MIS18A: variants seen among roughly 807,000 people sequenced by gnomAD.
MIS18A encodes protein Mis18-alpha.
In MIS18A, 14 loss-of-function variants were observed where a neutral mutation model predicts 25.0. That is an observed-to-expected ratio of 0.56 (90% CI 0.37 to 0.88). The LOEUF (loss-of-function observed/expected upper bound fraction) is 0.88, where lower values mean the gene tolerates loss of function less well. Ranked by LOEUF, MIS18A falls within the 40% of genes least tolerant of loss-of-function variation. MIS18A has a pLI of 0.00. For missense variants in MIS18A, 292 were observed against 290.8 expected (o/e 1.00, Z -0.03); for synonymous variants, 134 against 118.6 (o/e 1.13, Z -0.84).
At chr21:32,181,948 T>A in the MIS18A span, among the ~76,000 whole-genome samples, 4 of 152,220 alleles carry the variant, frequency 2.6e-5, no homozygotes, top group Non-Finnish European at 4.4e-5. Context: ...GTTCCTTGTT[T>A]GTAAAATGAG....
At chr21:32,177,053 C>A in the MIS18A span, among the ~76,000 whole-genome samples, 1 of 151,948 alleles carries the variant, frequency 6.6e-6, no homozygotes, top group Non-Finnish European at 1.5e-5. Context: ...ATGCAAAAAT[C>A]CTAAATAAAA....
chr21:32,176,899 G>C, the MIS18A span, among the ~76,000 whole-genome samples: 1 of 152,074 alleles, frequency 6.6e-6, no homozygotes, highest in African/African-American at 2.4e-5. Flanking sequence ...CATTTTATGA[G>C]GATGAAATAA....
At chr21:32,158,659 G>C in the MIS18A span, among the ~76,000 whole-genome samples, 1 of 152,022 alleles carries the variant, frequency 6.6e-6, no homozygotes, top group South Asian at 2.1e-4. Context: ...ATTTTGAGTA[G>C]AGACGGGGTT....
At chr21:32,191,407 T>C in the MIS18A span, among the ~76,000 whole-genome samples, 5 of 151,408 alleles carry the variant, frequency 3.3e-5, no homozygotes, top group South Asian at 2.1e-4. Flanking sequence ...CTGAGAAACA[T>C]AGCAAGACCC....
the MIS18A span, among the ~76,000 whole-genome samples, chr21:32,207,376 C>T: frequency 6.6e-6 from 1 of 152,126 alleles, no homozygotes; most frequent in East Asian, 1.9e-4. Flanking sequence ...TTACATAAGT[C>T]GTTGGGAAAT....
chr21:32,265,897 C>T (rs574123068), downstream of MIS18A, among the ~76,000 whole-genome samples: 5 of 152,008 alleles, frequency 3.3e-5, no homozygotes, highest in South Asian at 4.2e-4. Flanking sequence ...GTGCACCAAT[C>T]GGCACTCTGT....
the MIS18A span, among the ~76,000 whole-genome samples, chr21:32,257,339 C>T: frequency 4.6e-5 from 7 of 152,312 alleles, no homozygotes; most frequent in African/African-American, 1.7e-4. Context: ...ATAAAATGTT[C>T]ACGTGCCCAT....
At chr21:32,251,379 C>T in the MIS18A span, among the ~76,000 whole-genome samples, 46 of 152,244 alleles carry the variant, frequency 3.0e-4, 2 homozygotes, top group African/African-American at 1.1e-3. Context: ...TTCCCTCTCC[C>T]ACCTCCCAGC....
At chr21:32,215,433 C>A in the MIS18A span, among the ~76,000 whole-genome samples, 1 of 152,144 alleles carries the variant, frequency 6.6e-6, no homozygotes, top group African/African-American at 2.4e-5. Flanking sequence ...GGCTTCCCAG[C>A]AAGGCTGATT....
At chr21:32,201,932 G>C in the MIS18A span, among the ~76,000 whole-genome samples, 35,515 of 152,010 alleles carry the variant, frequency 0.23, 4,304 homozygotes, top group South Asian at 0.29. Context: ...CCGAGTATTA[G>C]CTGATATTCA....
the MIS18A span, among the ~76,000 whole-genome samples, chr21:32,175,504 C>G: frequency 6.6e-6 from 1 of 151,430 alleles, no homozygotes; most frequent in Non-Finnish European, 1.5e-5. Context: ...TGTAATAACA[C>G]TTAGTTTAAA....
chr21:32,233,002 T>C, the MIS18A span, among the ~76,000 whole-genome samples: 24 of 152,218 alleles, frequency 1.6e-4, no homozygotes, highest in Non-Finnish European at 2.9e-4. Flanking sequence ...CACAGTGAAA[T>C]TGTTTCTATT....
At chr21:32,240,267 A>T in the MIS18A span, among the ~76,000 whole-genome samples, 127 of 152,378 alleles carry the variant, frequency 8.3e-4, no homozygotes, top group African/African-American at 2.9e-3. Flanking sequence ...ATGTCTCTGG[A>T]CAGGTGATTA....
chr21:32,181,933 CT>C, the MIS18A span, among the ~76,000 whole-genome samples: 5 of 152,286 alleles, frequency 3.3e-5, no homozygotes, highest in South Asian at 1.0e-3. Context: ...CTCTCCCTGC[CT>C]CTGGTTCCTT....
At chr21:32,170,335 G>A in the MIS18A span, among the ~76,000 whole-genome samples, 32 of 152,222 alleles carry the variant, frequency 2.1e-4, no homozygotes, top group African/African-American at 7.7e-4. Flanking sequence ...CCATTCATAA[G>A]GCCCTTCTTT....
intron 4 of MIS18A, among the ~76,000 whole-genome samples, chr21:32,269,328 C>T (rs2084011588): frequency 6.6e-6 from 1 of 152,162 alleles, no homozygotes; most frequent in African/African-American, 2.4e-5. Flanking sequence ...AACCTATAAT[C>T]TACATCTCTT....
chr21:32,175,956 T>A, the MIS18A span, among the ~76,000 whole-genome samples: 1 of 152,128 alleles, frequency 6.6e-6, no homozygotes, highest in African/African-American at 2.4e-5. Flanking sequence ...AACACATACA[T>A]GAGCCTAGGC....
the MIS18A span, among the ~76,000 whole-genome samples, chr21:32,184,444 C>T: frequency 9.8e-5 from 15 of 152,312 alleles, no homozygotes; most frequent in East Asian, 2.9e-3. Flanking sequence ...ACATGGGCTC[C>T]TCCTTTAGGA....
the MIS18A span, among the ~76,000 whole-genome samples, chr21:32,173,383 G>A: frequency 1.6e-4 from 25 of 152,278 alleles, no homozygotes; most frequent in African/African-American, 4.8e-4. Flanking sequence ...AACACTGTTT[G>A]GCAGTTCCTC....
Sources: gnomAD v4.1 joint callset for allele counts (sites outside exome capture counted in the v4.1 genomes callset) on GRCh38, gnomAD v4.1.1 for gene constraint, MANE v1.5 for transcripts, NCBI Gene and HGNC (gene_info 2026-07-23, HGNC 2026-07-21) for gene names.